STK40: variants seen among roughly 807,000 people sequenced by gnomAD.
STK40 encodes serine/threonine-protein kinase 40.
A neutral mutation model predicts 47.9 loss-of-function variants in STK40; 13 were observed. The observed-to-expected ratio is 0.27, with a 90% CI of 0.18 to 0.43. STK40 has a LOEUF of 0.43. Ranked by LOEUF, STK40 falls within the 20% of genes least tolerant of loss-of-function variation. The pLI is 1.00. For synonymous variants in STK40, 225 were observed against 243.2 expected, an observed-to-expected ratio of 0.93 and a Z score of 0.69; for missense variants, 460 against 595.1, an observed-to-expected ratio of 0.77 and a Z score of 2.36.
chr1:36,377,884 G>A (rs996271599), intron 1 of STK40, among the ~76,000 whole-genome samples: 3 of 152,192 alleles, frequency 2.0e-5, no homozygotes, highest in Non-Finnish European at 4.4e-5. Flanking sequence ...CCTGGGTCCT[G>A]CCTGCCTGCC....
rs1328447816 is a variant in STK40 at position 36,343,871 on chromosome 1, G to T, written c.993C>A (p.Ile331=). The T allele has an allele frequency of 1.3e-6, 2 of 1,596,462 alleles. No individual in the cohort carries two copies. The highest frequency in any genetic ancestry group is 1.7e-6 in the Non-Finnish European group (2 of 1,167,918). The part of the protein sequence containing the change: ...AADVLEALSA[I]IASWQSLSSL... ...GCCTGTCCACTTACCATGATGCAAT[G>T]ATGGCACTGAGGGCCTCCAGGACGT... is the stretch of plus-strand genomic sequence containing the variant. The change falls in exon 9 of 11, where the codon ATC becomes ATA. Residue 331 remains isoleucine (I), a synonymous_variant. Transcript: ENST00000373132.
chr1:36,379,309 G>T (rs938660258), intron 1 of STK40, among the ~76,000 whole-genome samples: 2 of 151,992 alleles, frequency 1.3e-5, no homozygotes, highest in African/African-American at 4.8e-5. Context: ...CGTCAGGCCT[G>T]TAGACTGCTA....
In STK40 at chr1:36,382,777, C is replaced by T. The variant is rs561071571; in HGVS notation, c.-9+2946G>A. On this transcript the variant is annotated intron_variant, in intron 1 of 10. Coordinates refer to ENST00000373132, the MANE Select transcript of STK40 (RefSeq NM_001282547.2). Reference sequence around the variant, plus strand: ...AGAGCTAACATTTACTACTCAGTGTCTGTTAAGTACTCATCCTGTAACATC... The same window carrying T: ...AGAGCTAACATTTACTACTCAGTGTTTGTTAAGTACTCATCCTGTAACATC... Among the ~76,000 whole-genome samples the T allele has an allele frequency of 2.6e-5, 4 of 152,350 alleles. No individual in the cohort carries two copies. The South Asian group carries it at 8.3e-4, about 32-fold the overall frequency.
In STK40 at chr1:36,341,603, G is replaced by A; in HGVS notation, c.*152C>T. The A allele has an allele frequency of 1.2e-6, 1 of 856,050 alleles. No homozygotes were observed. The highest frequency in any genetic ancestry group is 1.8e-6 in the Non-Finnish European group (1 of 562,270). The allele number at this position is 856,050 out of a possible 1,614,324, so 53.0% of individuals were successfully genotyped here. A position where few individuals can be genotyped will look rare whatever the true frequency, so the allele number is the denominator to read the frequency against. On this transcript the variant is annotated 3_prime_UTR_variant, in exon 11 of 11. Coordinates refer to ENST00000373132, the MANE Select transcript of STK40 (RefSeq NM_001282547.2). ...AAGGTAGCTTCGTGGTACCTCTGCT[G>A]ACCCCACGTGTGACCTGGGCTGTCC...
chr1:36,358,198 G>C (rs376879155), intron 4 of STK40, 41 bp downstream of exon 4: 68 of 1,535,254 alleles, frequency 4.4e-5, no homozygotes, highest in Middle Eastern at 4.5e-4. Context: ...CACAGAGCCA[G>C]CCAGAGGTGA....
intron 7 of STK40, among the ~76,000 whole-genome samples, chr1:36,348,177 T>A (rs889609847): frequency 6.6e-6 from 1 of 152,242 alleles, no homozygotes; most frequent in Admixed American, 6.5e-5. Flanking sequence ...TTAAGAACTG[T>A]TCAATGGCTT....
rs1018205017 is a variant in STK40, at chr1:36,384,018, GCTT to G, written c.-9+1702_-9+1704del. Among the ~76,000 whole-genome samples the G allele has an allele frequency of 1.1e-4, 15 of 137,658 alleles. No homozygotes were observed. In the East Asian group the frequency reaches 1.2e-3, roughly 11 times the overall value. The allele number at this position is 137,658 out of a possible 152,430, so 90.3% of individuals were successfully genotyped here. On this transcript the variant is annotated intron_variant, in intron 1 of 10. Coordinates refer to ENST00000373132, the MANE Select transcript of STK40 (RefSeq NM_001282547.2). ...CAGTACTCTCTTGCTGCTGCTATTA[GCTT>G]CTTCTTCTTCTTTTTTTTTTTTTTT...
At chr1:36,379,029 C>T (rs1647016884) in intron 1 of STK40, among the ~76,000 whole-genome samples, 1 of 152,198 alleles carries the variant, frequency 6.6e-6, no homozygotes, top group Non-Finnish European at 1.5e-5. Flanking sequence ...GTCCCCTCAA[C>T]ACACCTCACA....
In STK40 at chr1:36,376,050, A is replaced by G. The variant is rs186974418; in HGVS notation, c.-9+9673T>C. 2.3e-3 allele frequency among the ~76,000 whole-genome samples: 348 copies of G among 152,156 alleles called. 1 individual carries two copies. The highest frequency in any genetic ancestry group is 9.1e-3 in the South Asian group (44 of 4,820). The stretch of plus-strand genomic sequence containing the variant: ...AAAAAAAAAAAAATTCACGACTTTG[A>G]CAGCGAGCAATACAATTCACTTTCT... On this transcript the variant is annotated intron_variant, in intron 1 of 10. Transcript: ENST00000373132.
chr1:36,344,640 C>T (rs1176660406), intron 7 of STK40, among the ~76,000 whole-genome samples: 3 of 152,336 alleles, frequency 2.0e-5, no homozygotes, highest in Admixed American at 6.5e-5. Flanking sequence ...TCACCGTCCC[C>T]ACACCCCACC....
chr1:36,357,654 T>C (rs1414487729), intron 4 of STK40, among the ~76,000 whole-genome samples: 3 of 152,164 alleles, frequency 2.0e-5, no homozygotes, highest in African/African-American at 7.2e-5. Flanking sequence ...TCTCGCTCTG[T>C]CACCCAGGCT....
At chr1:36,342,167 A>C in intron 10 of STK40, 194 bp from the exon 11 acceptor site, 1 of 603,890 alleles carries the variant, frequency 1.7e-6, no homozygotes, top group African/African-American at 1.9e-5. Flanking sequence ...AGCCAACCTC[A>C]ACTCCCCTTG....
At chr1:36,363,568 A>G (rs1254778608) in intron 1 of STK40, among the ~76,000 whole-genome samples, 1 of 151,748 alleles carries the variant, frequency 6.6e-6, no homozygotes, top group Admixed American at 6.6e-5. Flanking sequence ...GCACTTTGGG[A>G]GGCCGAAGCG....
At chr1:36,355,705 A>G (rs1438018638) in intron 4 of STK40, among the ~76,000 whole-genome samples, 1 of 152,226 alleles carries the variant, frequency 6.6e-6, no homozygotes, top group Non-Finnish European at 1.5e-5. Flanking sequence ...ATCATAATGC[A>G]AAGGATTCAG....
rs1043973000 is a variant in STK40, at chr1:36,358,332, C to T, written c.249G>A (p.Glu83=). Residue 83 remains glutamate, a synonymous_variant, in exon 4 of 11, where the codon GAG becomes GAA. Coordinates refer to ENST00000373132, the MANE Select transcript of STK40 (RefSeq NM_001282547.2). ...TGTGCAGCAGCATCTTGCCCTGCCGCTCTTCCTGGCTCTCTATGCCTTGGT... is the reference window on the plus strand; with the variant it reads ...TGTGCAGCAGCATCTTGCCCTGCCGTTCTTCCTGGCTCTCTATGCCTTGGT... ...RGDQGIESQE[E]RQGKMLLHTE... is the part of the protein sequence containing the mutation. The T allele has an allele frequency of 6.2e-6, 10 of 1,609,840 alleles. No homozygotes were observed. Among genetic ancestry groups the T allele is most frequent in the Non-Finnish European group, 8.5e-6 (10 of 1,176,456 alleles).
intron 1 of STK40, among the ~76,000 whole-genome samples, chr1:36,369,962 A>G (rs116141174): frequency 6.6e-6 from 1 of 152,250 alleles, no homozygotes; most frequent in African/African-American, 2.4e-5. Flanking sequence ...AGGAGGGGCC[A>G]GTGGCTGGAG....
At chr1:36,370,655 T>TA (rs911338472) in intron 1 of STK40, among the ~76,000 whole-genome samples, 39 of 152,114 alleles carry the variant, frequency 2.6e-4, no homozygotes, top group African/African-American at 8.4e-4. Context: ...ATTTCAGACT[T>TA]AAAACCTGCA....
chr1:36,347,809 C>T (rs906135665), intron 7 of STK40, among the ~76,000 whole-genome samples: 10 of 152,088 alleles, frequency 6.6e-5, no homozygotes, highest in African/African-American at 4.8e-5. Context: ...ACCGCCACCA[C>T]GCCCGGCTAA....
At chr1:36,361,653 G>A (rs552054193) in intron 1 of STK40, among the ~76,000 whole-genome samples, 1 of 152,312 alleles carries the variant, frequency 6.6e-6, no homozygotes, top group African/African-American at 2.4e-5. Context: ...TTGTGCAGAT[G>A]CTAATGCCAA....
Sources: gnomAD v4.1 joint callset for allele counts (sites outside exome capture counted in the v4.1 genomes callset) on GRCh38, gnomAD v4.1.1 for gene constraint, MANE v1.5 for transcripts, NCBI Gene and HGNC (gene_info 2026-07-23, HGNC 2026-07-21) for gene names.